Variants in SIAH3 observed in about 807,000 individuals in gnomAD.
SIAH3 encodes seven in absentia homolog 3.
SIAH3 carries 9 observed loss-of-function variants against 12.6 expected under a neutral mutation model. That is an observed-to-expected ratio of 0.72 (90% CI 0.43 to 1.25). SIAH3 has a LOEUF of 1.25. Ranked by LOEUF, SIAH3 falls within the 50% of genes most tolerant of loss-of-function variation. SIAH3 has a pLI of 0.00. For synonymous variants in SIAH3, 154 were observed against 151.1 expected, an observed-to-expected ratio of 1.02 and a Z score of -0.14; for missense variants, 390 against 365.4, an observed-to-expected ratio of 1.07 and a Z score of -0.55.
chr13:45,830,321 G>A (rs965477346), intron 1 of SIAH3, among the ~76,000 whole-genome samples: 1 of 151,610 alleles, frequency 6.6e-6, no homozygotes, highest in Non-Finnish European at 1.5e-5. Flanking sequence ...GCATGCTGGT[G>A]GCACTGTGCA....
At chr13:45,846,012 T>C (rs1183827581) in intron 1 of SIAH3, among the ~76,000 whole-genome samples, 1 of 151,440 alleles carries the variant, frequency 6.6e-6, no homozygotes, top group Non-Finnish European at 1.5e-5. Flanking sequence ...GGAAGGGACA[T>C]TAACTTAGCA....
chr13:45,793,329 T>C (rs1950552204), intron 1 of SIAH3, among the ~76,000 whole-genome samples: 1 of 152,210 alleles, frequency 6.6e-6, no homozygotes, highest in African/African-American at 2.4e-5. Flanking sequence ...CCATCCTTGT[T>C]TCTCTGAGTT....
At chr13:45,826,326 T>G (rs1158281195) in intron 1 of SIAH3, among the ~76,000 whole-genome samples, 3 of 151,878 alleles carry the variant, frequency 2.0e-5, no homozygotes, top group African/African-American at 7.3e-5. Context: ...AACATTTAAA[T>G]GGATGGATGG....
intron 1 of SIAH3, among the ~76,000 whole-genome samples, chr13:45,795,215 G>A (rs559961305): frequency 1.8e-3 from 269 of 152,248 alleles, no homozygotes; most frequent in Middle Eastern, 3.4e-3. Flanking sequence ...CCCAGAGTGG[G>A]TACAGAAGAT....
At chr13:45,847,248 A>G (rs1453466438) in intron 1 of SIAH3, among the ~76,000 whole-genome samples, 1 of 151,990 alleles carries the variant, frequency 6.6e-6, no homozygotes, top group Non-Finnish European at 1.5e-5. Context: ...CACGCAGAAC[A>G]CTCCAAAGGC....
chr13:45,814,307 G>A (rs111594028), intron 1 of SIAH3, among the ~76,000 whole-genome samples: 263 of 151,262 alleles, frequency 1.7e-3, no homozygotes, highest in African/African-American at 6.1e-3. Context: ...TGTTTTTGGA[G>A]TATAGTCCCC....
At chr13:45,817,197 A>G (rs950045629) in intron 1 of SIAH3, among the ~76,000 whole-genome samples, 1 of 152,262 alleles carries the variant, frequency 6.6e-6, no homozygotes, top group Admixed American at 6.5e-5. Flanking sequence ...TAAGATTATA[A>G]CACTGCATTT....
intron 1 of SIAH3, among the ~76,000 whole-genome samples, chr13:45,784,808 A>G (rs910709479): frequency 6.6e-6 from 1 of 152,136 alleles, no homozygotes; most frequent in African/African-American, 2.4e-5. Flanking sequence ...CGTGCCCACA[A>G]GTGCCCCCCA....
At chr13:45,841,264 G>A (rs1399668342) in intron 1 of SIAH3, among the ~76,000 whole-genome samples, 1 of 152,180 alleles carries the variant, frequency 6.6e-6, no homozygotes, top group African/African-American at 2.4e-5. Flanking sequence ...CAGGTGGCTA[G>A]GCTTGCTGGC....
At chr13:45,818,813 A>C (rs745791651) in intron 1 of SIAH3, among the ~76,000 whole-genome samples, 4 of 152,230 alleles carry the variant, frequency 2.6e-5, no homozygotes, top group Non-Finnish European at 5.9e-5. Flanking sequence ...ACTTTGCCAC[A>C]CAAGGTCACA....
intron 1 of SIAH3, among the ~76,000 whole-genome samples, chr13:45,847,648 T>TGC (rs1555260275): frequency 1.3e-5 from 2 of 150,514 alleles, no homozygotes; most frequent in South Asian, 2.1e-4. Context: ...TGTGTGTGTG[T>TGC]GCACGTGTGT....
chr13:45,808,273 AAAC>A (rs1950604635), intron 1 of SIAH3, among the ~76,000 whole-genome samples: 1 of 71,274 alleles, frequency 1.4e-5, no homozygotes, highest in Non-Finnish European at 4.2e-5. Context: ...ACTTTGTGTT[AAAC>A]AGCACAAAAA....
chr13:45,811,126 CAAT>C (rs1950615041), intron 1 of SIAH3, among the ~76,000 whole-genome samples: 2 of 152,110 alleles, frequency 1.3e-5, no homozygotes, highest in Admixed American at 1.3e-4. Flanking sequence ...AAAATCAGAA[CAAT>C]AATAGGGTGA....
intron 1 of SIAH3, among the ~76,000 whole-genome samples, chr13:45,787,012 G>C (rs1478991066): frequency 6.6e-6 from 1 of 152,070 alleles, no homozygotes; most frequent in African/African-American, 2.4e-5. Flanking sequence ...AAGTAGCAGG[G>C]AGGGAGTGAG....
intron 1 of SIAH3, among the ~76,000 whole-genome samples, chr13:45,805,754 G>A (rs778904406): frequency 6.6e-5 from 10 of 152,150 alleles, no homozygotes; most frequent in Admixed American, 5.2e-4. Context: ...AAGAGCTTCT[G>A]CACAGCAAAA....
Position 45,851,708 on chromosome 13 carries a change from C to A in SIAH3, c.-79G>T. 6.4e-7 allele frequency: 1 copy of A among 1,568,696 alleles called. No individual in the cohort carries two copies. The highest frequency in any genetic ancestry group is 1.4e-5 in the African/African-American group (1 of 73,772). On this transcript the variant is annotated 5_prime_UTR_variant, in exon 1 of 2. The change creates a new upstream start codon in the 5' untranslated region. Transcript: ENST00000400405. ...CCTTGGGCCCTGGAAGGAGCGCAGC[C>A]TCTGAGACACTCCGCTCCAGCCCGG...
At chr13:45,823,079 C>T (rs1950662057) in intron 1 of SIAH3, among the ~76,000 whole-genome samples, 1 of 152,152 alleles carries the variant, frequency 6.6e-6, no homozygotes, top group South Asian at 2.1e-4. Context: ...CTTATTTGAA[C>T]CTCAGTAGAA....
At chr13:45,813,308 T>C (rs1226302956) in intron 1 of SIAH3, among the ~76,000 whole-genome samples, 1 of 152,036 alleles carries the variant, frequency 6.6e-6, no homozygotes. Context: ...GCAGTTGAAA[T>C]AAGGAGAGAG....
rs556711114 is a variant in SIAH3, at chr13:45,780,201, T to A, written c.*3182A>T. The A allele has an allele frequency of 6.6e-6, 1 of 152,074 alleles. No homozygotes were observed. Among genetic ancestry groups the A allele is most frequent in the East Asian group, 1.9e-4 (1 of 5,180 alleles). The allele number at this position is 152,074 out of a possible 1,614,324, so 9.4% of individuals were successfully genotyped here. On this transcript the variant is annotated 3_prime_UTR_variant, in exon 2 of 2. Coordinates refer to ENST00000400405, the MANE Select transcript of SIAH3 (RefSeq NM_198849.3). ...TGGGCAAAGGGATTCAGAAAGGGCC[T>A]GGCGCACTGAAGCCTCCATCTGCAG...
Sources: allele counts gnomAD v4.1 joint callset (sites outside exome capture counted in the v4.1 genomes callset), GRCh38; gene constraint gnomAD v4.1.1; transcripts MANE v1.5; gene names NCBI Gene and HGNC (gene_info 2026-07-23, HGNC 2026-07-21).